PDCD6IP: variants seen among roughly 807,000 people sequenced by gnomAD.
PDCD6IP encodes the protein programmed cell death 6-interacting protein.
In PDCD6IP, 43 loss-of-function variants were observed where a neutral mutation model predicts 103.7. That is an observed-to-expected ratio of 0.41 (90% CI 0.32 to 0.53). The LOEUF (loss-of-function observed/expected upper bound fraction) is 0.53. Among genes scored for constraint, PDCD6IP ranks in the 20% least tolerant of loss-of-function variants. The pLI, the probability that PDCD6IP is intolerant of heterozygous loss-of-function variation, is 0.16. For synonymous variants in PDCD6IP, 354 were observed against 378.7 expected, an observed-to-expected ratio of 0.93 and a Z score of 0.76; for missense variants, 871 against 1,036.7, an observed-to-expected ratio of 0.84 and a Z score of 2.20.
At chr3:33,813,894 G>T (rs1308400463) in intron 3 of PDCD6IP, among the ~76,000 whole-genome samples, 1 of 152,160 alleles carries the variant, frequency 6.6e-6, no homozygotes, top group African/African-American at 2.4e-5. Context: ...AGTGTAATAT[G>T]TAATAGCCTA....
chr3:33,810,896 A>ATT (rs772180215), intron 1 of PDCD6IP, among the ~76,000 whole-genome samples: 16,403 of 138,044 alleles, frequency 0.12, 1,451 homozygotes, highest in East Asian at 0.39. Context: ...ATGTTTGTGG[A>ATT]TTTTTTTTTT....
chr3:33,843,980 C>T (rs1241204968), intron 10 of PDCD6IP, 132 bp from the exon 11 acceptor site: 8 of 525,378 alleles, frequency 1.5e-5, no homozygotes, highest in Non-Finnish European at 2.4e-5. Context: ...AGAAAAAAGT[C>T]GATTTATATT....
chr3:33,825,491 G>A, intron 5 of PDCD6IP, 151 bp downstream of exon 5: 1 of 620,304 alleles, frequency 1.6e-6, no homozygotes, highest in Non-Finnish European at 2.7e-6. Context: ...ATCCTTTTCT[G>A]AATTTGTGGC....
chr3:33,823,971 A>G (rs528498590), intron 4 of PDCD6IP, among the ~76,000 whole-genome samples: 44 of 152,274 alleles, frequency 2.9e-4, no homozygotes, highest in African/African-American at 1.1e-3. Context: ...TGGTGGTATT[A>G]GACCTAGGTC....
intron 10 of PDCD6IP, among the ~76,000 whole-genome samples, chr3:33,842,521 T>G (rs1697497748): frequency 6.6e-6 from 1 of 151,670 alleles, no homozygotes; most frequent in Admixed American, 6.6e-5. Context: ...ATCTTATAAT[T>G]CCAATATCTG....
At chr3:33,799,805 G>A (rs1196181291) in intron 1 of PDCD6IP, among the ~76,000 whole-genome samples, 1 of 152,086 alleles carries the variant, frequency 6.6e-6, no homozygotes, top group Admixed American at 6.6e-5. Context: ...AGAAACCCAG[G>A]CTAAACTAGC....
chr3:33,854,228 C>T (rs1194375117), intron 14 of PDCD6IP, among the ~76,000 whole-genome samples: 1 of 152,170 alleles, frequency 6.6e-6, no homozygotes, highest in East Asian at 1.9e-4. Flanking sequence ...TTGCATATTT[C>T]AACTGGCAGA....
chr3:33,846,024 AATGGATAGCACCATC>A (rs1697583897), intron 12 of PDCD6IP, among the ~76,000 whole-genome samples: 1 of 152,228 alleles, frequency 6.6e-6, no homozygotes, highest in East Asian at 1.9e-4. Flanking sequence ...CATGTTAATA[AATGGATAGCACCATC>A]ATGGTATTTC....
intron 3 of PDCD6IP, among the ~76,000 whole-genome samples, chr3:33,818,235 G>A (rs1696903109): frequency 1.3e-5 from 2 of 150,664 alleles, no homozygotes; most frequent in South Asian, 2.1e-4. Context: ...AGCCTCCTGA[G>A]TAGCTGGGAT....
chr3:33,825,963 AGC>A (rs1373524354), intron 5 of PDCD6IP, among the ~76,000 whole-genome samples: 2 of 152,178 alleles, frequency 1.3e-5, no homozygotes, highest in Non-Finnish European at 2.9e-5. Context: ...CACAGTCCCT[AGC>A]CCTGGGAATG....
At chr3:33,811,751 A>G (rs2125546197) in intron 1 of PDCD6IP, among the ~76,000 whole-genome samples, 1 of 152,364 alleles carries the variant, frequency 6.6e-6, no homozygotes, top group Non-Finnish European at 1.5e-5. Context: ...AATTTGTCTA[A>G]TGGATACAAA....
chr3:33,799,216 C>G (rs1247276476), intron 1 of PDCD6IP: 10 of 405,942 alleles, frequency 2.5e-5, no homozygotes, highest in Non-Finnish European at 4.4e-5. Flanking sequence ...CTGCCCTGTA[C>G]TGATCTCTTT....
chr3:33,852,049 A>C (rs1221961619), intron 12 of PDCD6IP, among the ~76,000 whole-genome samples: 3 of 152,102 alleles, frequency 2.0e-5, no homozygotes, highest in Non-Finnish European at 2.9e-5. Flanking sequence ...TGGCTAAGAG[A>C]TTGGTTTTGG....
chr3:33,835,931 T>C (rs1575925797), intron 7 of PDCD6IP, 113 bp from the exon 8 acceptor site: 1 of 639,070 alleles, frequency 1.6e-6, no homozygotes, highest in East Asian at 2.7e-5. Flanking sequence ...GAAATGCAAG[T>C]CTTCAGATTA....
chr3:33,841,588 G>A (rs200336051), intron 9 of PDCD6IP, among the ~76,000 whole-genome samples: 3 of 151,028 alleles, frequency 2.0e-5, no homozygotes, highest in Middle Eastern at 3.5e-3. Flanking sequence ...ACAGGCGCCC[G>A]CCACCACGCC....
At chr3:33,827,769 C>G (rs1697161093) in intron 6 of PDCD6IP, 1 of 152,156 alleles carries the variant, frequency 6.6e-6, no homozygotes, top group South Asian at 2.1e-4. Context: ...TGTTTCAGAA[C>G]CAAGTTGCTC....
intron 9 of PDCD6IP, among the ~76,000 whole-genome samples, chr3:33,839,657 T>C (rs1442934129): frequency 6.6e-6 from 1 of 152,250 alleles, no homozygotes; most frequent in Non-Finnish European, 1.5e-5. Flanking sequence ...GGTTAGCATA[T>C]TTAATTTTAT....
intron 1 of PDCD6IP, among the ~76,000 whole-genome samples, chr3:33,811,567 A>G (rs1370810719): frequency 6.6e-6 from 1 of 152,234 alleles, no homozygotes; most frequent in East Asian, 1.9e-4. Context: ...CAGGTCGGAA[A>G]GAATGAGAAA....
intron 15 of PDCD6IP, chr3:33,863,802 T>C: frequency 1.8e-6 from 1 of 544,014 alleles, no homozygotes; most frequent in Non-Finnish European, 3.3e-6. Flanking sequence ...GATCATATTG[T>C]AGATCTAGTT....
Sources: allele counts gnomAD v4.1 joint callset (sites outside exome capture counted in the v4.1 genomes callset), GRCh38; gene constraint gnomAD v4.1.1; transcripts MANE v1.5; gene names NCBI Gene and HGNC (gene_info 2026-07-23, HGNC 2026-07-21).